Variants in RAB6A observed in about 807,000 individuals in gnomAD.
RAB6A encodes RAB6A, member RAS oncogene family.
A neutral mutation model predicts 32.3 loss-of-function variants in RAB6A; 8 were observed. That is an observed-to-expected ratio of 0.25 (90% CI 0.15 to 0.45). The LOEUF (loss-of-function observed/expected upper bound fraction) is 0.45, where lower values mean the gene tolerates loss of function less well. Among genes scored for constraint, RAB6A ranks in the 20% least tolerant of loss-of-function variants. The pLI is 1.00. For synonymous variants in RAB6A, 73 were observed against 82.1 expected (o/e 0.89, Z 0.60); for missense variants, 104 against 249.4 (o/e 0.42, Z 3.93).
chr11:73,738,192 G>A (rs1358920351), intron 1 of RAB6A, among the ~76,000 whole-genome samples: 2 of 151,796 alleles, frequency 1.3e-5, no homozygotes, highest in East Asian at 1.9e-4. Flanking sequence ...ATTTTTAATA[G>A]AGACAAGGTC....
intron 6 of RAB6A, among the ~76,000 whole-genome samples, chr11:73,700,349 C>T (rs527570927): frequency 6.6e-6 from 1 of 152,126 alleles, no homozygotes; most frequent in Admixed American, 6.6e-5. Flanking sequence ...ACCTGTAATT[C>T]CAACACTTTG....
chr11:73,741,041 A>C (rs1291637441), intron 1 of RAB6A, among the ~76,000 whole-genome samples: 1 of 152,166 alleles, frequency 6.6e-6, no homozygotes, highest in African/African-American at 2.4e-5. Flanking sequence ...TCTCCACAAT[A>C]ATATTTATTA....
At chr11:73,697,051 T>C (rs1432004907) in intron 6 of RAB6A, among the ~76,000 whole-genome samples, 1 of 152,160 alleles carries the variant, frequency 6.6e-6, no homozygotes, top group Non-Finnish European at 1.5e-5. Context: ...GTGAGCTCTT[T>C]TCTTATCATA....
chr11:73,743,198 C>T (rs936706179), intron 1 of RAB6A, among the ~76,000 whole-genome samples: 2 of 150,126 alleles, frequency 1.3e-5, no homozygotes, highest in East Asian at 4.0e-4. Flanking sequence ...CCAGCTACTC[C>T]AGAGGCTGAG....
intron 2 of RAB6A, chr11:73,722,424 T>C (rs1351896914): frequency 2.1e-5 from 3 of 145,616 alleles, no homozygotes; most frequent in African/African-American, 7.7e-5. Flanking sequence ...TTTGTCTCAG[T>C]GCAGCCTCAA....
At chr11:73,722,305 G>GTGTGTGTATATATATA (rs1238666420) in intron 2 of RAB6A, 3 of 42,368 alleles carry the variant, frequency 7.1e-5, no homozygotes, top group Admixed American at 5.6e-4. Flanking sequence ...ATGTGTGTGT[G>GTGTGTGTATATATATA]TATATATATA....
At chr11:73,731,745 C>G in intron 1 of RAB6A, among the ~76,000 whole-genome samples, 1 of 90,800 alleles carries the variant, frequency 1.1e-5, no homozygotes, top group African/African-American at 4.6e-5. Flanking sequence ...CACACACACA[C>G]ATATTTTCTT....
intron 1 of RAB6A, among the ~76,000 whole-genome samples, chr11:73,743,907 G>T (rs1056235248): frequency 2.0e-5 from 3 of 152,074 alleles, no homozygotes; most frequent in Non-Finnish European, 4.4e-5. Context: ...GCCTAAGATT[G>T]CATCTCTCTA....
intron 6 of RAB6A, among the ~76,000 whole-genome samples, chr11:73,688,985 T>C (rs1945502670): frequency 6.6e-6 from 1 of 151,978 alleles, no homozygotes. Flanking sequence ...TAGCCAGGTG[T>C]GGTGGTAGGC....
At chr11:73,707,005 C>T (rs554186125) in intron 6 of RAB6A, among the ~76,000 whole-genome samples, 1 of 151,990 alleles carries the variant, frequency 6.6e-6, no homozygotes, top group South Asian at 2.1e-4. Context: ...GTAATCCCAG[C>T]TACCCGAGAG....
Position 73,760,807 on chromosome 11 carries a change from G to T in RAB6A, c.-172C>A. The T allele has an allele frequency of 1.1e-6, 1 of 902,432 alleles. No homozygotes were observed. The highest frequency in any genetic ancestry group is 2.9e-5 in the Admixed American group (1 of 34,464). 55.9% of individuals were successfully genotyped at this position (902,432 alleles called of 1,614,324 possible). A position where few individuals can be genotyped will look rare whatever the true frequency, so the allele number is the denominator to read the frequency against. On this transcript the variant is annotated 5_prime_UTR_variant, in exon 1 of 8. Transcript: ENST00000336083. ...GGGCAGCAGGACTCTCCACAGACTG[G>T]CAGCCGCCGCCGCCTCCCGGCAGAG...
At chr11:73,683,920 G>A (rs1163986226) in intron 6 of RAB6A, among the ~76,000 whole-genome samples, 2 of 152,154 alleles carry the variant, frequency 1.3e-5, no homozygotes, top group African/African-American at 2.4e-5. Flanking sequence ...GCATGCTACA[G>A]AGAAATCATT....
intron 2 of RAB6A, among the ~76,000 whole-genome samples, chr11:73,728,433 T>C (rs924637660): frequency 1.3e-5 from 2 of 151,976 alleles, no homozygotes; most frequent in East Asian, 3.8e-4. Context: ...TTTATTTTAT[T>C]CAAATAATGT....
intron 6 of RAB6A, among the ~76,000 whole-genome samples, chr11:73,703,032 T>A (rs1374729964): frequency 6.6e-6 from 1 of 151,722 alleles, no homozygotes; most frequent in Non-Finnish European, 1.5e-5. Context: ...AATTTTTTAA[T>A]TTTTTAGTAG....
chr11:73,760,517 G>T lies in RAB6A; in HGVS notation c.70+49C>A, dbSNP rs766632060. On this transcript the variant is annotated intron_variant, in intron 1 of 7. Transcript: ENST00000336083. Reference sequence around the variant, plus strand: ...ACGGAAGGGCCGCACCGGGGGCGGTGCGGGGACGCTGCGGCCAGCTGCCAG... The same window carrying T: ...ACGGAAGGGCCGCACCGGGGGCGGTTCGGGGACGCTGCGGCCAGCTGCCAG... 6 of 1,556,734 alleles carry T rather than the reference G, an allele frequency of 3.9e-6. No homozygotes were observed. In the East Asian group the frequency reaches 1.4e-4, roughly 37 times the overall value.
At chr11:73,719,616 A>T (rs1946105422) in intron 3 of RAB6A, among the ~76,000 whole-genome samples, 3 of 143,582 alleles carry the variant, frequency 2.1e-5, no homozygotes, top group Admixed American at 7.1e-5. Flanking sequence ...AAGCTTTCAA[A>T]TTTTTTTTTT....
chr11:73,727,872 GTT>G (rs904225125), intron 2 of RAB6A, among the ~76,000 whole-genome samples: 14 of 152,084 alleles, frequency 9.2e-5, no homozygotes, highest in African/African-American at 2.2e-4. Flanking sequence ...TTGAAATCAA[GTT>G]TTTTTCTTTA....
At chr11:73,698,210 G>C (rs1945684344) in intron 6 of RAB6A, among the ~76,000 whole-genome samples, 1 of 152,074 alleles carries the variant, frequency 6.6e-6, no homozygotes, top group African/African-American at 2.4e-5. Context: ...GACAGAGTGA[G>C]ACTCTCAAAA....
At chr11:73,694,489 C>G (rs1261821877) in intron 6 of RAB6A, among the ~76,000 whole-genome samples, 3 of 152,116 alleles carry the variant, frequency 2.0e-5, no homozygotes, top group African/African-American at 4.8e-5. Context: ...TGTGAAGAAA[C>G]AGCTAATAAT....
Sources: gnomAD v4.1 joint callset for allele counts (sites outside exome capture counted in the v4.1 genomes callset) on GRCh38, gnomAD v4.1.1 for gene constraint, MANE v1.5 for transcripts, NCBI Gene and HGNC (gene_info 2026-07-23, HGNC 2026-07-21) for gene names.